ZNHIT6: variants seen among roughly 807,000 people sequenced by gnomAD.
ZNHIT6 encodes the protein zinc finger HIT-type containing 6.
A neutral mutation model predicts 57.2 loss-of-function variants in ZNHIT6; 45 were observed. The ratio of observed to expected loss-of-function variants is 0.79; its 90% CI spans 0.62 to 1.01. ZNHIT6 has a LOEUF of 1.01. ZNHIT6 is among the 50% of genes least tolerant of loss of function. The pLI is 0.00. For missense variants in ZNHIT6, 528 were observed against 567.3 expected (o/e 0.93, Z 0.70); for synonymous variants, 188 against 190.0 (o/e 0.99, Z 0.09).
chr1:85,667,662 G>A (rs1661409078), intron 8 of ZNHIT6, among the ~76,000 whole-genome samples: 1 of 149,040 alleles, frequency 6.7e-6, no homozygotes, highest in South Asian at 2.1e-4. Flanking sequence ...GCCATGTGTG[G>A]TGGCTCACAC....
rs1173143535 is a variant in ZNHIT6 at position 85,649,725 on chromosome 1, C to G, written c.*4333G>C. The G allele has an allele frequency of 6.6e-6, 1 of 152,078 alleles. No individual in the cohort carries two copies. Among genetic ancestry groups the G allele is most frequent in the Admixed American group, 6.6e-5 (1 of 15,264 alleles). The allele number at this position is 152,078 out of a possible 1,614,324, so 9.4% of individuals were successfully genotyped here. On this transcript the variant is annotated 3_prime_UTR_variant, in exon 10 of 10. Coordinates refer to ENST00000370574, the MANE Select transcript of ZNHIT6 (RefSeq NM_017953.4). ...TTTTGAAGCATTTTCCCCTAGTACT[C>G]TAATTTCAAAATCAGTATCTCTCAA...
intron 8 of ZNHIT6, among the ~76,000 whole-genome samples, chr1:85,674,393 C>T (rs1033197413): frequency 2.6e-5 from 4 of 152,050 alleles, no homozygotes; most frequent in Non-Finnish European, 5.9e-5. Context: ...CCTCATCCTC[C>T]CAAAGTGCTG....
intron 8 of ZNHIT6, among the ~76,000 whole-genome samples, chr1:85,671,783 G>GT (rs1275808391): frequency 1.3e-5 from 2 of 152,080 alleles, no homozygotes; most frequent in Admixed American, 1.3e-4. Context: ...ACTTTCCAAG[G>GT]TATGTATCAA....
chr1:85,706,773 G>A (rs1021247138), intron 1 of ZNHIT6, among the ~76,000 whole-genome samples: 2 of 152,104 alleles, frequency 1.3e-5, no homozygotes, highest in Admixed American at 6.5e-5. Flanking sequence ...ACTATAATCA[G>A]GGAATGAGAT....
At chr1:85,669,894 C>A (rs752374743) in intron 8 of ZNHIT6, among the ~76,000 whole-genome samples, 6 of 152,090 alleles carry the variant, frequency 3.9e-5, no homozygotes, top group Non-Finnish European at 8.8e-5. Flanking sequence ...GGTATTAGCA[C>A]TGGGCTAGCA....
At chr1:85,681,518 A>G (rs1169018036) in intron 5 of ZNHIT6, among the ~76,000 whole-genome samples, 1 of 152,190 alleles carries the variant, frequency 6.6e-6, no homozygotes, top group Admixed American at 6.5e-5. Flanking sequence ...AAAAATTCTA[A>G]TGCTCAAAAT....
At chr1:85,665,659 A>G (rs1661351169) in intron 8 of ZNHIT6, among the ~76,000 whole-genome samples, 1 of 152,180 alleles carries the variant, frequency 6.6e-6, no homozygotes, top group African/African-American at 2.4e-5. Flanking sequence ...TAGGGATTTT[A>G]AATCTTAATC....
chr1:85,687,300 A>AAAAAAAAAAAAAAAAAC (rs1662084689), intron 5 of ZNHIT6, among the ~76,000 whole-genome samples: 1 of 130,184 alleles, frequency 7.7e-6, no homozygotes, highest in East Asian at 2.6e-4. Flanking sequence ...AAAAAAAAAC[A>AAAAAAAAAAAAAAAAAC]AAAAAAAAAA....
Position 85,654,044 on chromosome 1 carries a change from T to C in ZNHIT6, c.*14A>G. On this transcript the variant is annotated 3_prime_UTR_variant, in exon 10 of 10. Coordinates refer to ENST00000370574, the MANE Select transcript of ZNHIT6 (RefSeq NM_017953.4). ...TGTCTGGAAGTTTTCACTTTCTTCT[T>C]CCAGAAAAAATGCTCAATTTTCATT... 6.2e-7 allele frequency: 1 copy of C among 1,611,024 alleles called. No individual in the cohort carries two copies. Among genetic ancestry groups the C allele is most frequent in the Non-Finnish European group, 8.5e-7 (1 of 1,178,530 alleles).
At chr1:85,668,991 A>G (rs945312538) in intron 8 of ZNHIT6, among the ~76,000 whole-genome samples, 46 of 152,298 alleles carry the variant, frequency 3.0e-4, no homozygotes, top group African/African-American at 1.1e-3. Flanking sequence ...AGATTGTAAA[A>G]AAAAAAAATG....
chr1:85,702,515 G>A (rs988969828), intron 4 of ZNHIT6, among the ~76,000 whole-genome samples: 2 of 152,100 alleles, frequency 1.3e-5, no homozygotes, highest in African/African-American at 4.8e-5. Flanking sequence ...TTCAAACCCT[G>A]GTCTGTCTAA....
chr1:85,698,905 G>A (rs1353923267), intron 5 of ZNHIT6, among the ~76,000 whole-genome samples: 1 of 152,082 alleles, frequency 6.6e-6, no homozygotes, highest in Non-Finnish European at 1.5e-5. Context: ...TTTCAGTGAA[G>A]GGAATGTAAA....
chr1:85,706,432 A>G lies in ZNHIT6; in HGVS notation c.722+10T>C, dbSNP rs369443049. On this transcript the variant is annotated intron_variant, in intron 2 of 9. Transcript: ENST00000370574. ...GATACAGGTTAAAAGGTAGGAAGTT[A>G]CATGTATACCTGCAGGAATATCGCA... The G allele has an allele frequency of 1.3e-5, 21 of 1,613,312 alleles. No homozygotes were observed. In the African/African-American group the frequency reaches 2.7e-4, roughly 20 times the overall value.
At position 85,651,694 on chromosome 1, in the gene ZNHIT6, A is replaced by C. The variant is rs1237389949; in HGVS notation, c.*2364T>G. The C allele has an allele frequency of 6.6e-6, 1 of 152,210 alleles. No homozygotes were observed. Among genetic ancestry groups the C allele is most frequent in the African/African-American group, 2.4e-5 (1 of 41,452 alleles). The allele number at this position is 152,210 out of a possible 1,614,324, so 9.4% of individuals were successfully genotyped here. On this transcript the variant is annotated 3_prime_UTR_variant, in exon 10 of 10. Transcript: ENST00000370574. ...ACCAGGTGGAGCTTTTCTCCTTTTA[A>C]AATGTGATTCATGAACAAAATGCAG...
rs912140934 is a variant in ZNHIT6 at position 85,652,432 on chromosome 1, T to G, written c.*1626A>C. 6.6e-6 allele frequency: 1 copy of G among 152,208 alleles called. No homozygotes were observed. Among genetic ancestry groups the G allele is most frequent in the African/African-American group, 2.4e-5 (1 of 41,454 alleles). 9.4% of individuals were successfully genotyped at this position (152,208 alleles called of 1,614,324 possible). A position where few individuals can be genotyped will look rare whatever the true frequency, so the allele number is the denominator to read the frequency against. ...TTCTACACAAATTCTTTATCATATA[T>G]TAGAAGATTCCTGATGTTGCTTTAG... On this transcript the variant is annotated 3_prime_UTR_variant, in exon 10 of 10. Transcript: ENST00000370574.
intron 8 of ZNHIT6, among the ~76,000 whole-genome samples, chr1:85,660,729 A>T (rs1460892196): frequency 6.6e-6 from 1 of 152,120 alleles, no homozygotes; most frequent in Non-Finnish European, 1.5e-5. Context: ...GGATCCTGAA[A>T]CTGTAATGAT....
At chr1:85,705,047 C>T (rs750460518) in intron 4 of ZNHIT6, among the ~76,000 whole-genome samples, 1 of 152,206 alleles carries the variant, frequency 6.6e-6, no homozygotes, top group Non-Finnish European at 1.5e-5. Flanking sequence ...TATTATCTCA[C>T]AAGGATCATG....
At chr1:85,679,325 C>T (rs1661795163) in intron 6 of ZNHIT6, among the ~76,000 whole-genome samples, 1 of 152,134 alleles carries the variant, frequency 6.6e-6, no homozygotes, top group African/African-American at 2.4e-5. Context: ...AAAACAGTAA[C>T]TTTCCTCAAC....
At chr1:85,694,742 G>A (rs1263009338) in intron 5 of ZNHIT6, among the ~76,000 whole-genome samples, 2 of 152,194 alleles carry the variant, frequency 1.3e-5, no homozygotes, top group East Asian at 3.9e-4. Flanking sequence ...TTACAGGCAT[G>A]AGCCACCACG....
Sources: allele counts gnomAD v4.1 joint callset (sites outside exome capture counted in the v4.1 genomes callset), GRCh38; gene constraint gnomAD v4.1.1; transcripts MANE v1.5; gene names NCBI Gene and HGNC (gene_info 2026-07-23, HGNC 2026-07-21).